The following GUCY1B1 variants were observed in gnomAD, a reference collection of about 807,000 sequenced individuals.
GUCY1B1 encodes the protein guanylate cyclase soluble subunit beta-1.
GUCY1B1 carries 43 observed loss-of-function variants against 71.0 expected under a neutral mutation model. That is an observed-to-expected ratio of 0.61 (90% CI 0.47 to 0.78). The LOEUF is 0.78. Among genes scored for constraint, GUCY1B1 ranks in the 30% least tolerant of loss-of-function variants. GUCY1B1 has a pLI of 0.00. For missense variants in GUCY1B1, 535 were observed against 754.1 expected (o/e 0.71, Z 3.40); for synonymous variants, 266 against 259.7 (o/e 1.02, Z -0.23).
At chr4:155,801,550 C>T (rs768465167) in intron 9 of GUCY1B1, among the ~76,000 whole-genome samples, 9 of 152,142 alleles carry the variant, frequency 5.9e-5, no homozygotes, top group Admixed American at 2.6e-4. Context: ...AGCTCAGCTC[C>T]ATTTTGCATA....
chr4:155,789,942 C>T (rs781566633), intron 5 of GUCY1B1, 31 bp downstream of exon 5: 1 of 1,335,658 alleles, frequency 7.5e-7, no homozygotes, highest in Admixed American at 1.9e-5. Context: ...CTTCTGAACA[C>T]AGATGACATC....
intron 4 of GUCY1B1, among the ~76,000 whole-genome samples, chr4:155,782,680 G>C (rs1183635978): frequency 6.6e-6 from 1 of 152,114 alleles, no homozygotes; most frequent in Non-Finnish European, 1.5e-5. Context: ...ATCTGGGTTG[G>C]CTTTAGTGAC....
chr4:155,804,849 C>A, intron 12 of GUCY1B1, 102 bp downstream of exon 12: 2 of 1,003,576 alleles, frequency 2.0e-6, no homozygotes, highest in South Asian at 1.5e-5. Flanking sequence ...AGAGTTATCA[C>A]CTTCACTCTT....
At chr4:155,792,639 GAA>G (rs754158089) in intron 5 of GUCY1B1, among the ~76,000 whole-genome samples, 5 of 136,962 alleles carry the variant, frequency 3.7e-5, no homozygotes, top group Admixed American at 1.5e-4. Flanking sequence ...GGGTACTCCT[GAA>G]AAAAAAAAAA....
chr4:155,777,453 T>A, intron 3 of GUCY1B1, 71 bp from the exon 4 acceptor site: 1 of 837,236 alleles, frequency 1.2e-6, no homozygotes, highest in Non-Finnish European at 2.1e-6. Context: ...TAAACACTTA[T>A]CTTCATTTTT....
At chr4:155,787,797 G>A (rs1208042091) in intron 4 of GUCY1B1, among the ~76,000 whole-genome samples, 3 of 152,188 alleles carry the variant, frequency 2.0e-5, no homozygotes, top group African/African-American at 4.8e-5. Context: ...GTGGACACCC[G>A]CGGAATCATC....
chr4:155,777,476 A>T, intron 3 of GUCY1B1, 48 bp from the exon 4 acceptor site: 1 of 935,932 alleles, frequency 1.1e-6, no homozygotes, highest in Non-Finnish European at 1.8e-6. Context: ...TATTAACAAT[A>T]TTTCACCTAT....
rs1402663262 is a variant in GUCY1B1 at position 155,800,072 on chromosome 4, C to T, written c.1173C>T (p.Asp391=). Reference sequence around the variant, plus strand: ...TGGAAGATGAAAAGAAAAAGACAGACACGTAAGAATGTAACGCTTGGAGCA... The same window carrying T: ...TGGAAGATGAAAAGAAAAAGACAGATACGTAAGAATGTAACGCTTGGAGCA... The part of the protein sequence containing the change: ...RALEDEKKKT[D]TLLYSVLPPS... Residue 391 remains aspartate, a splice_region_variant and synonymous_variant, in exon 9 of 14, where the codon GAC becomes GAT. Transcript: ENST00000264424. 1 of 1,602,904 alleles carries T rather than the reference C, an allele frequency of 6.2e-7. No homozygotes were observed. Among genetic ancestry groups the T allele is most frequent in the Non-Finnish European group, 8.5e-7 (1 of 1,171,358 alleles).
Position 155,800,071 on chromosome 4 carries a change from A to C in GUCY1B1, c.1172A>C (p.Asp391Ala). The change falls in exon 9 of 14, where the codon GAC becomes GCC. Residue 391 changes from aspartate to alanine, a missense_variant. Physicochemically the swap from Asp to Ala is moderately radical, Grantham distance 126. Transcript: ENST00000264424. Reference sequence around the variant, plus strand: ...CTGGAAGATGAAAAGAAAAAGACAGACACGTAAGAATGTAACGCTTGGAGC... The same window carrying C: ...CTGGAAGATGAAAAGAAAAAGACAGCCACGTAAGAATGTAACGCTTGGAGC... ...RALEDEKKKTDTLLYSVLPPS... is the reference protein window; with the variant it reads ...RALEDEKKKTATLLYSVLPPS... 1 of 1,604,088 alleles carries C rather than the reference A, an allele frequency of 6.2e-7. No individual in the cohort carries two copies. Among genetic ancestry groups the C allele is most frequent in the Non-Finnish European group, 8.5e-7 (1 of 1,172,294 alleles).
At chr4:155,772,541 C>A (rs1032649373) in intron 2 of GUCY1B1, 5 of 541,748 alleles carry the variant, frequency 9.2e-6, no homozygotes, top group Non-Finnish European at 1.7e-5. Flanking sequence ...CTCAGCCTCC[C>A]AAGTAGCTGG....
chr4:155,776,983 T>C lies in GUCY1B1; in HGVS notation c.179-541T>C, dbSNP rs185619486. The stretch of plus-strand genomic sequence containing the variant: ...AGTGTTTAGGCTTTCAGATTTTTTT[T>C]GGATTTTGGAATACTTGCATATCCA... On this transcript the variant is annotated intron_variant, in intron 3 of 13. Transcript: ENST00000264424. Among the ~76,000 whole-genome samples, 82 of 152,284 alleles carry C rather than the reference T, an allele frequency of 5.4e-4. 1 individual carries two copies. The East Asian group carries it at 0.012, about 22-fold the overall frequency.
chr4:155,806,379 A>G lies in GUCY1B1; in HGVS notation c.1837-7A>G, dbSNP rs752056907. ...AATCAATCCCTCTTTTCTTCTGCCT[A>G]TTTAAGGAAACAAAGCAGGATGATG... On this transcript the variant is annotated splice_polypyrimidine_tract_variant and splice_region_variant and intron_variant, in intron 13 of 13. Transcript: ENST00000264424. The G allele has an allele frequency of 3.1e-6, 5 of 1,589,688 alleles. No individual in the cohort carries two copies. In the Admixed American group the frequency reaches 5.0e-5, roughly 16 times the overall value.
In GUCY1B1 at chr4:155,789,884, A is replaced by C; in HGVS notation, c.468A>C (p.Gln156His). 6.2e-7 allele frequency: 1 copy of C among 1,611,704 alleles called. No homozygotes were observed. Among genetic ancestry groups the C allele is most frequent in the Non-Finnish European group, 8.5e-7 (1 of 1,178,220 alleles). The change falls in exon 5 of 14, where the codon CAA (glutamine) becomes CAC (histidine). Residue 156 changes from glutamine (Q) to histidine (H), a missense_variant. Transcript: ENST00000264424. ...GAATCATCAAAACAGTGGCACAACA[A>C]ATCCATGGCACTGAAATAGACATGA... ...VIGIIKTVAQ[Q>H]IHGTEIDMKV...
At chr4:155,759,329 G>C (rs1453657813) in intron 1 of GUCY1B1, 186 bp downstream of exon 1, 1 of 597,064 alleles carries the variant, frequency 1.7e-6, no homozygotes, top group Non-Finnish European at 2.9e-6. Context: ...AGTCGTGGCG[G>C]GGGCGATCGG....
chr4:155,804,697 A>G lies in GUCY1B1; in HGVS notation c.1659A>G (p.Thr553=). The G allele has an allele frequency of 6.2e-7, 1 of 1,613,528 alleles. No individual in the cohort carries two copies. Among genetic ancestry groups the G allele is most frequent in the South Asian group, 1.1e-5 (1 of 91,066 alleles). The change falls in exon 12 of 14, where the codon ACA becomes ACG. Residue 553 remains threonine (T), a synonymous_variant. Coordinates refer to ENST00000264424, the MANE Select transcript of GUCY1B1 (RefSeq NM_000857.5). ...ATACTGTCAACCTCACAAGCCGAAC[A>G]GAAACCACAGGAGAAAAGGGAAAAA... ...FGNTVNLTSR[T]ETTGEKGKIN... is the part of the protein sequence containing the mutation.
chr4:155,772,547 G>C, intron 2 of GUCY1B1: 1 of 554,204 alleles, frequency 1.8e-6, no homozygotes, highest in South Asian at 2.2e-5. Flanking sequence ...CTCCCAAGTA[G>C]CTGGGACTAC....
At chr4:155,770,808 TG>T (rs112337926) in intron 2 of GUCY1B1, among the ~76,000 whole-genome samples, 50,875 of 151,944 alleles carry the variant, frequency 0.33, 8,611 homozygotes, top group Middle Eastern at 0.47. Flanking sequence ...TGAACACCTA[TG>T]TATATTATCC....
At chr4:155,798,394 T>C (rs1326486057) in intron 8 of GUCY1B1, among the ~76,000 whole-genome samples, 1 of 152,178 alleles carries the variant, frequency 6.6e-6, no homozygotes, top group Non-Finnish European at 1.5e-5. Context: ...GAACGTACAA[T>C]CATGTTTTTT....
Position 155,803,729 on chromosome 4 carries a change from G to C in GUCY1B1, c.1519G>C (p.Ala507Pro). ...CCTGGCCTTGGACATGATGGAAATTGCTGGCCAGGTTCAAGTAGATGGTGA... is the reference window on the plus strand; with the variant it reads ...CCTGGCCTTGGACATGATGGAAATTCCTGGCCAGGTTCAAGTAGATGGTGA... ...CHLALDMMEI[A>P]GQVQVDGESV... Residue 507 changes from alanine (A) to proline (P), a missense_variant, in exon 11 of 14, where the codon GCT (alanine) becomes CCT (proline). Transcript: ENST00000264424. 6.2e-7 allele frequency: 1 copy of C among 1,600,084 alleles called. No homozygotes were observed. Among genetic ancestry groups the C allele is most frequent in the Non-Finnish European group, 8.5e-7 (1 of 1,173,252 alleles).
Sources: allele counts gnomAD v4.1 joint callset (sites outside exome capture counted in the v4.1 genomes callset), GRCh38; gene constraint gnomAD v4.1.1; transcripts MANE v1.5; gene names NCBI Gene and HGNC (gene_info 2026-07-23, HGNC 2026-07-21).